The following ALS2 variants were observed in gnomAD, a reference collection of about 807,000 sequenced individuals.
The protein encoded by ALS2 is alsin.
In ALS2, 117 loss-of-function variants were observed where a neutral mutation model predicts 203.4. The ratio of observed to expected loss-of-function variants is 0.58; its 90% CI spans 0.50 to 0.67. The LOEUF is 0.67. Ranked by LOEUF, ALS2 falls within the 30% of genes least tolerant of loss-of-function variation. ALS2 has a pLI of 0.00. For synonymous variants in ALS2, 718 were observed against 725.9 expected (o/e 0.99, Z 0.17); for missense variants, 1,715 against 1,989.4 (o/e 0.86, Z 2.62).
At chr2:201,730,459 G>T (rs1311642729) in intron 13 of ALS2, among the ~76,000 whole-genome samples, 1 of 152,192 alleles carries the variant, frequency 6.6e-6, no homozygotes, top group East Asian at 1.9e-4. Context: ...CACAGTGGCA[G>T]ATCCATCTCT....
intron 4 of ALS2, 115 bp downstream of exon 4, chr2:201,760,766 T>G (rs1349211625): frequency 1.4e-6 from 2 of 1,454,580 alleles, no homozygotes; most frequent in African/African-American, 1.4e-5. Context: ...AAAATTATAA[T>G]CAAACTCAAA....
At chr2:201,766,799 G>A (rs1199688722) in intron 3 of ALS2, among the ~76,000 whole-genome samples, 4 of 117,066 alleles carry the variant, frequency 3.4e-5, no homozygotes, top group Admixed American at 2.0e-4. Flanking sequence ...GTAGGGACAT[G>A]GATGAAACTG....
intron 10 of ALS2, among the ~76,000 whole-genome samples, chr2:201,743,556 C>A (rs1036338887): frequency 5.9e-5 from 9 of 152,136 alleles, no homozygotes; most frequent in Non-Finnish European, 1.3e-4. Flanking sequence ...ACAATCTCAG[C>A]TCACTGCAAC....
chr2:201,770,217 G>A (rs528087265), intron 1 of ALS2, among the ~76,000 whole-genome samples: 14 of 152,216 alleles, frequency 9.2e-5, no homozygotes, highest in African/African-American at 2.4e-4. Flanking sequence ...AATAGGTAGC[G>A]GAAGCCAGAG....
At chr2:201,752,570 T>A (rs2106070395) in intron 7 of ALS2, among the ~76,000 whole-genome samples, 1 of 152,192 alleles carries the variant, frequency 6.6e-6, no homozygotes, top group Non-Finnish European at 1.5e-5. Flanking sequence ...GGGCTTCGAA[T>A]CCTTTATTGG....
In ALS2 at chr2:201,759,551, T is replaced by G. The variant is rs572144323; in HGVS notation, c.1113+1330A>C. Reference sequence around the variant, plus strand: ...AATGTTTAACAAAGTAAGTAAAATGTGATAAGCATGTACAGTCTAAGAATT... The same window carrying G: ...AATGTTTAACAAAGTAAGTAAAATGGGATAAGCATGTACAGTCTAAGAATT... On this transcript the variant is annotated intron_variant, in intron 4 of 33. Coordinates refer to ENST00000264276, the MANE Select transcript of ALS2 (RefSeq NM_020919.4). The G allele has an allele frequency of 5.5e-5, 54 of 982,900 alleles. 1 individual carries two copies. The South Asian group carries it at 2.2e-3, about 40-fold the overall frequency. 60.9% of individuals were successfully genotyped at this position (982,900 alleles called of 1,614,324 possible).
At chr2:201,724,957 C>G (rs1038962922) in intron 20 of ALS2, among the ~76,000 whole-genome samples, 2 of 151,710 alleles carry the variant, frequency 1.3e-5, no homozygotes, top group East Asian at 3.9e-4. Context: ...ACTAAAAATA[C>G]AAAAAATTAG....
Position 201,701,874 on chromosome 2 carries a change from T to G in ALS2, c.4951A>C (p.Ile1651Leu). The G allele has an allele frequency of 1.2e-6, 2 of 1,613,840 alleles. No homozygotes were observed. The change falls in exon 34 of 34, where the codon ATT (isoleucine) becomes CTT (leucine). Residue 1651 changes from isoleucine (I) to leucine (L), a missense_variant. Ile to Leu is a conservative substitution (Grantham distance 5). This residue lies in a region of ALS2 where 1,227 missense variants were observed against 1,413.5 expected (regional missense o/e 0.87). Coordinates refer to ENST00000264276, the MANE Select transcript of ALS2 (RefSeq NM_020919.4). ...GCCTAGTTAAGCTTCTCACGCTGAA[T>G]CTGGTAGTAACATGCCTGGAAGAAA... ...FTTLKACYYQ[I>L]QREKLN
intron 8 of ALS2, among the ~76,000 whole-genome samples, chr2:201,749,106 G>A (rs1692861189): frequency 6.6e-6 from 1 of 152,084 alleles, no homozygotes; most frequent in East Asian, 1.9e-4. Context: ...TCCTCAGGGT[G>A]ATGAGGCGGA....
rs1236462511 is a variant in ALS2, at chr2:201,761,805, G to A, written c.189C>T (p.Tyr63=). 2.5e-6 allele frequency: 4 copies of A among 1,613,160 alleles called. No individual in the cohort carries two copies. Among genetic ancestry groups the A allele is most frequent in the Middle Eastern group, 1.7e-4 (1 of 6,060 alleles). The change falls in exon 4 of 34, where the codon TAC becomes TAT. Residue 63 remains tyrosine (Y), a synonymous_variant. Coordinates refer to ENST00000264276, the MANE Select transcript of ALS2 (RefSeq NM_020919.4). ...TTCTCCAGGGAAGAGTCCCAAAGCT[G>A]TAGACCTCACCATCTGAAGGTTAAA... ...GVLLTEDGEV[Y]SFGTLPWRSG...
At chr2:201,718,343 T>TTGA in intron 23 of ALS2, 133 bp from the exon 24 acceptor site, 1 of 979,978 alleles carries the variant, frequency 1.0e-6, no homozygotes, top group Non-Finnish European at 1.5e-6. Flanking sequence ...CACTGCAACC[T>TTGA]CCGCTTCCTG....
intron 23 of ALS2, among the ~76,000 whole-genome samples, chr2:201,721,296 G>A (rs1308074871): frequency 6.6e-6 from 1 of 152,186 alleles, no homozygotes; most frequent in East Asian, 1.9e-4. Flanking sequence ...GTTTATTGCA[G>A]AATCTTGATA....
chr2:201,722,471 C>A (rs999634081), intron 23 of ALS2: 1 of 152,400 alleles, frequency 6.6e-6, no homozygotes, highest in African/African-American at 2.4e-5. Context: ...TTAGCAATTA[C>A]ACTCCAGGCA....
chr2:201,756,034 A>G (rs1342656847), intron 5 of ALS2, among the ~76,000 whole-genome samples: 1 of 152,180 alleles, frequency 6.6e-6, no homozygotes, highest in East Asian at 1.9e-4. Flanking sequence ...TACTCCAGAT[A>G]ATTCTTAGAG....
rs779676643 is a variant in ALS2 at position 201,710,974 on chromosome 2, T to C, written c.4122+17A>G. 1.4e-6 allele frequency: 2 copies of C among 1,453,404 alleles called. No homozygotes were observed. The highest frequency in any genetic ancestry group is 1.1e-5 in the South Asian group (1 of 87,902). 90.0% of individuals were successfully genotyped at this position (1,453,404 alleles called of 1,614,324 possible). A position where few individuals can be genotyped will look rare whatever the true frequency, so the allele number is the denominator to read the frequency against. ...TCATTAATTCACAAGACCAATGTAA[T>C]TTTTACTCTAGTTTACCTTTATTAA... On this transcript the variant is annotated intron_variant, in intron 26 of 33. Transcript: ENST00000264276.
Position 201,728,921 on chromosome 2 carries a change from T to G in ALS2, c.2712+131A>C, listed in dbSNP as rs1691365192. The G allele has an allele frequency of 4.9e-6, 7 of 1,421,796 alleles. No homozygotes were observed. The Admixed American group carries it at 1.2e-4, about 24-fold the overall frequency. The allele number at this position is 1,421,796 out of a possible 1,614,324, so 88.1% of individuals were successfully genotyped here. A position where few individuals can be genotyped will look rare whatever the true frequency, so the allele number is the denominator to read the frequency against. ...TTAGAGTACCCATTAGTATGGTCCT[T>G]AGACATTTTAGGAAAGGGGTCATTA... On this transcript the variant is annotated intron_variant, in intron 14 of 33. Transcript: ENST00000264276.
chr2:201,753,052 G>T, intron 7 of ALS2, 94 bp downstream of exon 7: 1 of 969,346 alleles, frequency 1.0e-6, no homozygotes, highest in Non-Finnish European at 1.7e-6. Context: ...ATCATTGCCT[G>T]ACATATAGCA....
intron 33 of ALS2, among the ~76,000 whole-genome samples, chr2:201,703,511 G>T (rs1689508232): frequency 6.6e-6 from 1 of 152,066 alleles, no homozygotes; most frequent in Admixed American, 6.6e-5. Context: ...TTTACTAACT[G>T]GAAGAGTAGG....
chr2:201,777,215 T>G (rs746895901), intron 1 of ALS2, among the ~76,000 whole-genome samples: 15 of 151,582 alleles, frequency 9.9e-5, no homozygotes, highest in Admixed American at 3.9e-4. Context: ...TGCCTACATT[T>G]CCCAAGCATC....
Sources: gnomAD v4.1 joint callset for allele counts (sites outside exome capture counted in the v4.1 genomes callset) on GRCh38, gnomAD v4.1.1 for gene constraint, gnomAD v4.1.1 regional missense constraint, MANE v1.5 for transcripts, NCBI Gene and HGNC (gene_info 2026-07-23, HGNC 2026-07-21) for gene names.